The following DNMBP variants were observed in gnomAD, a reference collection of about 807,000 sequenced individuals.
The protein encoded by DNMBP is dynamin-binding protein.
Under a neutral mutation model 150.0 loss-of-function variants are expected in DNMBP, and 87 were observed. The observed-to-expected ratio is 0.58, with a 90% CI of 0.49 to 0.69. The LOEUF (loss-of-function observed/expected upper bound fraction) is 0.69. Ranked by LOEUF, DNMBP falls within the 30% of genes least tolerant of loss-of-function variation. The pLI is 0.00. For synonymous variants in DNMBP, 711 were observed against 750.4 expected, an observed-to-expected ratio of 0.95 and a Z score of 0.86; for missense variants, 1,774 against 1,949.0, an observed-to-expected ratio of 0.91 and a Z score of 1.69.
At chr10:99,972,598 C>T (rs1171030092) in intron 1 of DNMBP, among the ~76,000 whole-genome samples, 1 of 151,282 alleles carries the variant, frequency 6.6e-6, no homozygotes, top group African/African-American at 2.4e-5. Flanking sequence ...AAAGTTATTT[C>T]TCATTTCTTT....
At position 99,877,232 on chromosome 10, in the gene DNMBP, A is replaced by C; in HGVS notation, c.4653T>G (p.Asn1551Lys). Residue 1551 changes from asparagine to lysine, a missense_variant, in exon 17 of 17, where the codon AAT becomes AAG. Around this residue, in one of 2 missense-constraint regions of DNMBP, gnomAD observed 1,430 missense variants for 1,492.5 expected, o/e 0.96. Transcript: ENST00000324109. ...KILEFKDVTG[N>K]TEWWLAEVNG... ...TAACCTCAGCTAACCACCACTCTGT[A>C]TTTCCTGTAACATCTTTAAACTCGA... is the stretch of plus-strand genomic sequence containing the variant. 1 of 1,613,954 alleles carries C rather than the reference A, an allele frequency of 6.2e-7. No homozygotes were observed. Among genetic ancestry groups the C allele is most frequent in the Non-Finnish European group, 8.5e-7 (1 of 1,179,974 alleles).
intron 4 of DNMBP, among the ~76,000 whole-genome samples, chr10:99,939,490 T>C (rs988062458): frequency 2.0e-5 from 3 of 152,262 alleles, no homozygotes; most frequent in Non-Finnish European, 4.4e-5. Flanking sequence ...ATGAAAGAGA[T>C]TGGATCTAAA....
At chr10:100,000,990 T>C (rs1224983365) in intron 1 of DNMBP, among the ~76,000 whole-genome samples, 1 of 150,338 alleles carries the variant, frequency 6.7e-6, no homozygotes, top group Non-Finnish European at 1.5e-5. Context: ...CCCAGCACTT[T>C]GGGAGGCCGA....
intron 6 of DNMBP, among the ~76,000 whole-genome samples, chr10:99,903,291 G>A (rs970820513): frequency 1.3e-5 from 2 of 151,758 alleles, no homozygotes; most frequent in African/African-American, 4.8e-5. Flanking sequence ...CAACAGTGGG[G>A]GTGGGGCTGG....
chr10:99,959,189 T>TA (rs2040533395), intron 3 of DNMBP, among the ~76,000 whole-genome samples: 1 of 152,220 alleles, frequency 6.6e-6, no homozygotes, highest in African/African-American at 2.4e-5. Flanking sequence ...TTATTTTTCA[T>TA]AAAAATATGT....
At chr10:99,912,408 T>G (rs995439674) in intron 4 of DNMBP, among the ~76,000 whole-genome samples, 1 of 152,182 alleles carries the variant, frequency 6.6e-6, no homozygotes, top group African/African-American at 2.4e-5. Flanking sequence ...AGCCAGCCTA[T>G]GTATTAGATT....
At chr10:99,887,887 T>C (rs2039494943) in intron 12 of DNMBP, among the ~76,000 whole-genome samples, 1 of 151,402 alleles carries the variant, frequency 6.6e-6, no homozygotes, top group Non-Finnish European at 1.5e-5. Context: ...TACAATGGCA[T>C]GATCTCGGCT....
In DNMBP at chr10:99,882,701, G is replaced by A. The variant is rs1054460198; in HGVS notation, c.3997+1310C>T. Among the ~76,000 whole-genome samples, 8 of 152,324 alleles carry A rather than the reference G, an allele frequency of 5.3e-5. No homozygotes were observed. The East Asian group carries it at 1.3e-3, about 26-fold the overall frequency. ...GTTCTGATGTTTTTGTGTCATTCAT[G>A]TTGGAGATGTAGTCATCCACCCATG... is the stretch of plus-strand genomic sequence containing the variant. On this transcript the variant is annotated intron_variant, in intron 15 of 16. Transcript: ENST00000324109.
At chr10:99,959,856 A>AAAAAAAAAAAC (rs779854199) in intron 3 of DNMBP, among the ~76,000 whole-genome samples, 1 of 126,002 alleles carries the variant, frequency 7.9e-6, no homozygotes, top group Non-Finnish European at 1.7e-5. Flanking sequence ...CCGTGTCTCA[A>AAAAAAAAAAAC]AAAAAAAAAA....
chr10:99,927,490 G>A (rs2040095071), intron 4 of DNMBP, among the ~76,000 whole-genome samples: 1 of 152,160 alleles, frequency 6.6e-6, no homozygotes, highest in Non-Finnish European at 1.5e-5. Flanking sequence ...TTTTTGTCAA[G>A]TTAAGGCCAT....
chr10:99,940,610 C>T (rs993703402), intron 4 of DNMBP, among the ~76,000 whole-genome samples: 3 of 152,192 alleles, frequency 2.0e-5, no homozygotes, highest in African/African-American at 4.8e-5. Flanking sequence ...ATCTTACAAA[C>T]GACTTCCGCT....
rs751263823 is a variant in DNMBP at position 99,956,885 on chromosome 10, C to T, written c.589G>A (p.Gly197Ser). 4 of 1,614,198 alleles carry T rather than the reference C, an allele frequency of 2.5e-6. No homozygotes were observed. The highest frequency in any genetic ancestry group is 3.4e-6 in the Non-Finnish European group (4 of 1,180,036). The change falls in exon 4 of 17, where the codon GGT becomes AGT. Residue 197 changes from glycine (G) to serine (S), a missense_variant. Gly to Ser is a moderately conservative substitution (Grantham distance 56). Transcript: ENST00000324109. ...AGGGGCCCCAACAGCTCTACAAAAC[C>T]TTCTGGAAAAATGCCTCTTCGGCCC... ...LEGRRGIFPE[G>S]FVELLGPLRT...
At chr10:99,976,985 T>A (rs1262296604) in intron 1 of DNMBP, among the ~76,000 whole-genome samples, 1 of 152,218 alleles carries the variant, frequency 6.6e-6, no homozygotes, top group African/African-American at 2.4e-5. Context: ...AAACCCCATA[T>A]AATTACTTAG....
intron 11 of DNMBP, among the ~76,000 whole-genome samples, chr10:99,894,446 T>C (rs1456571182): frequency 6.6e-6 from 1 of 152,214 alleles, no homozygotes; most frequent in African/African-American, 2.4e-5. Context: ...CTTCTCTAGA[T>C]CTCAAAGCTG....
In DNMBP at chr10:99,969,111, T is replaced by C; in HGVS notation, c.268+4A>G. On this transcript the variant is annotated splice_donor_region_variant and intron_variant, in intron 3 of 16. Transcript: ENST00000324109. ...AATAGTCTACTATTTGATGAGCAGC[T>C]TACCTCGATGGAGGGGAAGATTATC... 2 of 1,613,958 alleles carry C rather than the reference T, an allele frequency of 1.2e-6. No homozygotes were observed. Among genetic ancestry groups the C allele is most frequent in the Admixed American group, 3.3e-5 (2 of 59,992 alleles).
chr10:99,958,824 T>C (rs986375753), intron 3 of DNMBP, among the ~76,000 whole-genome samples: 1 of 152,198 alleles, frequency 6.6e-6, no homozygotes, highest in African/African-American at 2.4e-5. Context: ...AAAAGCAAGA[T>C]AGATTAATGA....
At position 99,961,721 on chromosome 10, in the gene DNMBP, G is replaced by A. The variant is rs536775510; in HGVS notation, c.269-4516C>T. Among the ~76,000 whole-genome samples, 8 of 152,122 alleles carry A rather than the reference G, an allele frequency of 5.3e-5. No homozygotes were observed. The South Asian group carries it at 1.7e-3, about 32-fold the overall frequency. ...CCAGTTTTACCATCTCCCTCCCCGG[G>A]CCAAACTTTTACCATGAAGCACAAG... is the stretch of plus-strand genomic sequence containing the variant. On this transcript the variant is annotated intron_variant, in intron 3 of 16. Transcript: ENST00000324109.
intron 6 of DNMBP, among the ~76,000 whole-genome samples, chr10:99,901,742 C>T (rs2039741770): frequency 6.6e-6 from 1 of 152,054 alleles, no homozygotes; most frequent in Non-Finnish European, 1.5e-5. Context: ...TTGTTCTCCT[C>T]CCTCCAATAT....
At chr10:99,930,932 GT>G (rs1420661518) in intron 4 of DNMBP, 4 of 505,576 alleles carry the variant, frequency 7.9e-6, no homozygotes, top group Non-Finnish European at 1.4e-5. Context: ...GAGATGTGGA[GT>G]TATTTCAACC....
Sources: gnomAD v4.1 joint callset for allele counts (sites outside exome capture counted in the v4.1 genomes callset) on GRCh38, gnomAD v4.1.1 for gene constraint, gnomAD v4.1.1 regional missense constraint, MANE v1.5 for transcripts, NCBI Gene and HGNC (gene_info 2026-07-23, HGNC 2026-07-21) for gene names.